Variants in NAALAD2 observed in about 807,000 individuals in gnomAD.
The protein encoded by NAALAD2 is N-acetylated-alpha-linked acidic dipeptidase 2.
A neutral mutation model predicts 95.6 loss-of-function variants in NAALAD2; 89 were observed. The ratio of observed to expected loss-of-function variants is 0.93; its 90% CI spans 0.78 to 1.11. The LOEUF (loss-of-function observed/expected upper bound fraction) is 1.11, where lower values mean the gene tolerates loss of function less well. NAALAD2 is among the 50% of genes least tolerant of loss of function. The pLI is 0.00. For synonymous variants in NAALAD2, 264 were observed against 294.4 expected (o/e 0.90, Z 1.06); for missense variants, 894 against 872.4 (o/e 1.02, Z -0.31).
chr11:90,132,072 A>G (rs1590944452), upstream of NAALAD2: 1 of 152,618 alleles, frequency 6.6e-6, no homozygotes, highest in Non-Finnish European at 1.5e-5. Context: ...CTTAATTAAC[A>G]TAGAATTTTG....
At chr11:90,139,158 G>T (rs1166753308) in intron 2 of NAALAD2, among the ~76,000 whole-genome samples, 1 of 152,088 alleles carries the variant, frequency 6.6e-6, no homozygotes, top group African/African-American at 2.4e-5. Context: ...TCCTGGCAAG[G>T]TATTTCATGA....
chr11:90,150,082 C>T (rs1169029154), intron 4 of NAALAD2, among the ~76,000 whole-genome samples: 1 of 151,972 alleles, frequency 6.6e-6, no homozygotes, highest in Non-Finnish European at 1.5e-5. Context: ...TGAAACCCAT[C>T]TCTACTGTTA....
chr11:90,138,725 C>CTTTTTTTTTTTTTTTTTT (rs562496549), intron 2 of NAALAD2, among the ~76,000 whole-genome samples: 3 of 61,484 alleles, frequency 4.9e-5, no homozygotes, highest in Non-Finnish European at 9.6e-5. Context: ...CATCCCTCAA[C>CTTTTTTTTTTTTTTTTTT]TTTTTTTTTT....
At chr11:90,150,122 G>T (rs1196399284) in intron 4 of NAALAD2, among the ~76,000 whole-genome samples, 1 of 152,068 alleles carries the variant, frequency 6.6e-6, no homozygotes, top group Non-Finnish European at 1.5e-5. Context: ...GGGCATGGTG[G>T]CGCATGTCTG....
At position 90,163,530 on chromosome 11, in the gene NAALAD2, T is replaced by C. The variant is rs1295618879; in HGVS notation, c.1196-5T>C. The C allele has an allele frequency of 6.8e-6, 11 of 1,613,686 alleles. No individual in the cohort carries two copies. The highest frequency in any genetic ancestry group is 9.3e-6 in the Non-Finnish European group (11 of 1,179,902). ...CCTAACCACGTGTGTTAACAATTCTTACAGGCTGGAGACCTAGAAGAACTA... is the reference window on the plus strand; with the variant it reads ...CCTAACCACGTGTGTTAACAATTCTCACAGGCTGGAGACCTAGAAGAACTA... On this transcript the variant is annotated splice_region_variant and splice_polypyrimidine_tract_variant and intron_variant, in intron 10 of 18. Transcript: ENST00000534061.
intron 16 of NAALAD2, among the ~76,000 whole-genome samples, chr11:90,180,209 CAT>C (rs1952920288): frequency 6.6e-6 from 1 of 152,072 alleles, no homozygotes; most frequent in Non-Finnish European, 1.5e-5. Context: ...TCGTCATTGA[CAT>C]GTGTTACTAA....
chr11:90,154,021 C>A (rs905577789), intron 6 of NAALAD2, among the ~76,000 whole-genome samples: 1 of 126,994 alleles, frequency 7.9e-6, no homozygotes, highest in South Asian at 3.0e-4. Context: ...AATCTACATG[C>A]CCTTCCTTCC....
chr11:90,147,195 G>C, intron 2 of NAALAD2, 135 bp from the exon 3 acceptor site: 1 of 659,520 alleles, frequency 1.5e-6, no homozygotes, highest in Non-Finnish European at 2.5e-6. Context: ...GGTAGCATTA[G>C]CTGTGTTTCT....
chr11:90,187,964 CAGAG>C (rs1209922890), intron 18 of NAALAD2, among the ~76,000 whole-genome samples: 2 of 152,098 alleles, frequency 1.3e-5, no homozygotes, highest in East Asian at 3.9e-4. Flanking sequence ...ATGATAGACT[CAGAG>C]AGACTCCAGT....
intron 18 of NAALAD2, among the ~76,000 whole-genome samples, chr11:90,185,169 C>T (rs1857097687): frequency 6.6e-6 from 1 of 151,402 alleles, no homozygotes; most frequent in Non-Finnish European, 1.5e-5. Context: ...ACATATATTA[C>T]ATTTATATAC....
chr11:90,191,446 A>C (rs554799277), intron 18 of NAALAD2, 112 bp from the exon 19 acceptor site: 33 of 660,394 alleles, frequency 5.0e-5, no homozygotes, highest in Admixed American at 2.6e-4. Context: ...CTGTCTTCTT[A>C]TTATAGGAAC....
At chr11:90,168,175 C>T (rs182930648) in intron 11 of NAALAD2, among the ~76,000 whole-genome samples, 1 of 152,250 alleles carries the variant, frequency 6.6e-6, no homozygotes, top group East Asian at 1.9e-4. Flanking sequence ...TAACACTCAC[C>T]GTGAAGGTCT....
At chr11:90,144,742 A>AAAAAAAAAAAAAC (rs1378933058) in intron 2 of NAALAD2, among the ~76,000 whole-genome samples, 14 of 146,234 alleles carry the variant, frequency 9.6e-5, no homozygotes, top group African/African-American at 3.5e-4. Context: ...AACTCCATTA[A>AAAAAAAAAAAAAC]AAAAAAAAAA....
intron 11 of NAALAD2, among the ~76,000 whole-genome samples, chr11:90,164,958 C>T (rs1952393994): frequency 6.6e-6 from 1 of 152,110 alleles, no homozygotes; most frequent in African/African-American, 2.4e-5. Flanking sequence ...TTTTCCTGAC[C>T]CTTTCCCTTC....
intron 4 of NAALAD2, among the ~76,000 whole-genome samples, chr11:90,149,473 C>G (rs1359582536): frequency 6.6e-6 from 1 of 152,048 alleles, no homozygotes; most frequent in Non-Finnish European, 1.5e-5. Flanking sequence ...TCGCTCTTGT[C>G]ACCCAGGCTG....
Position 90,135,573 on chromosome 11 carries a change from C to G in NAALAD2, c.97C>G (p.Pro33Ala), listed in dbSNP as rs760711544. The change falls in exon 2 of 19, where the codon CCT (proline) becomes GCT (alanine). Residue 33 changes from proline (P) to alanine (A), a missense_variant. Pro to Ala is a conservative substitution (Grantham distance 27). Transcript: ENST00000534061. Reference protein sequence around the residue: ...MGFMVGWFIKPLKETTTSVRY... With the variant: ...MGFMVGWFIKALKETTTSVRY... ...TTTTTCCTTAGGCTGGTTTATTAAG[C>G]CTCTCAAAGAAACGACCACTTCTGT... The G allele has an allele frequency of 5.4e-5, 87 of 1,608,706 alleles. 1 individual carries two copies. The South Asian group carries it at 7.2e-4, about 13-fold the overall frequency.
intron 14 of NAALAD2, among the ~76,000 whole-genome samples, chr11:90,175,609 C>T (rs1255287311): frequency 1.3e-5 from 2 of 148,570 alleles, no homozygotes; most frequent in African/African-American, 4.8e-5. Flanking sequence ...GTAGGGCCCA[C>T]GTCTTCATTG....
chr11:90,177,583 C>CTTTTTTTTTTTTTT (rs1565543926), intron 15 of NAALAD2, among the ~76,000 whole-genome samples: 2 of 19,406 alleles, frequency 1.0e-4, no homozygotes, highest in East Asian at 1.3e-3. Flanking sequence ...TTTTCTTTTT[C>CTTTTTTTTTTTTTT]TTGTTTTTTT....
intron 11 of NAALAD2, among the ~76,000 whole-genome samples, chr11:90,167,595 G>T (rs936750391): frequency 3.3e-5 from 5 of 152,172 alleles, no homozygotes; most frequent in Non-Finnish European, 5.9e-5. Context: ...AGTGAAGCCA[G>T]CTGGGCTCCT....
Sources: gnomAD v4.1 joint callset for allele counts (sites outside exome capture counted in the v4.1 genomes callset) on GRCh38, gnomAD v4.1.1 for gene constraint, MANE v1.5 for transcripts, NCBI Gene and HGNC (gene_info 2026-07-23, HGNC 2026-07-21) for gene names.